Variants in CNTN5 observed in about 807,000 individuals in gnomAD.
CNTN5 encodes contactin-5.
In CNTN5, 77 loss-of-function variants were observed where a neutral mutation model predicts 129.1. That is an observed-to-expected ratio of 0.60 (90% CI 0.50 to 0.72). The LOEUF is 0.72. Among genes scored for constraint, CNTN5 ranks in the 30% least tolerant of loss-of-function variants. The probability of loss-of-function intolerance (pLI) is 0.00; values close to 1 mark genes in which losing one functional copy is unlikely to be tolerated. For missense variants in CNTN5, 1,478 were observed against 1,328.8 expected (o/e 1.11, Z -1.75); for synonymous variants, 509 against 465.6 (o/e 1.09, Z -1.20).
intron 3 of CNTN5, among the ~76,000 whole-genome samples, chr11:99,588,343 CAAAAAAAAAAAAAAA>C (rs149362368): frequency 2.1e-5 from 2 of 93,040 alleles, no homozygotes; most frequent in Non-Finnish European, 4.2e-5. Flanking sequence ...GACTCCTTCT[CAAAAAAAAAAAAAAA>C]AAAAAAAAAG....
chr11:99,813,298 G>A (rs1241242201), intron 3 of CNTN5, among the ~76,000 whole-genome samples: 2 of 152,088 alleles, frequency 1.3e-5, no homozygotes, highest in African/African-American at 4.8e-5. Context: ...TCTGAATTCT[G>A]AGCCTAAAAT....
intron 3 of CNTN5, among the ~76,000 whole-genome samples, chr11:99,597,738 CA>C (rs1430080374): frequency 6.6e-6 from 1 of 152,130 alleles, no homozygotes; most frequent in Non-Finnish European, 1.5e-5. Flanking sequence ...CCACACACTC[CA>C]TAACCTCAGG....
At chr11:99,173,661 G>A (rs1000937466) in intron 1 of CNTN5, among the ~76,000 whole-genome samples, 3 of 152,154 alleles carry the variant, frequency 2.0e-5, no homozygotes, top group African/African-American at 7.2e-5. Flanking sequence ...ACATAGAAAA[G>A]GTGAGAAGAA....
intron 13 of CNTN5, among the ~76,000 whole-genome samples, chr11:100,185,302 T>C (rs1948265541): frequency 6.6e-6 from 1 of 152,100 alleles, no homozygotes; most frequent in Admixed American, 6.6e-5. Context: ...AAGAATTCAT[T>C]TCTAGCTTTT....
At chr11:99,809,076 C>T (rs1293249004) in intron 3 of CNTN5, among the ~76,000 whole-genome samples, 1 of 152,174 alleles carries the variant, frequency 6.6e-6, no homozygotes, top group African/African-American at 2.4e-5. Flanking sequence ...TACAGACACA[C>T]ATCTGCCCAA....
At chr11:99,620,025 C>CAAAAAAAAAAAAAAAAAACCAAAA (rs779644229) in intron 3 of CNTN5, among the ~76,000 whole-genome samples, 5 of 67,894 alleles carry the variant, frequency 7.4e-5, no homozygotes, top group Admixed American at 2.1e-4. Flanking sequence ...GACTCCGTCT[C>CAAAAAAAAAAAAAAAAAACCAAAA]AAAAAAAAAA....
At chr11:99,408,448 G>GAGAAAGAAAGAA (rs1555137775) in intron 2 of CNTN5, among the ~76,000 whole-genome samples, 3,921 of 77,924 alleles carry the variant, frequency 0.05, 141 homozygotes, top group Non-Finnish European at 0.067. Context: ...AAGAAAGAAA[G>GAGAAAGAAAGAA]AGAAAGAAAG....
chr11:99,247,914 A>C (rs914561230), intron 1 of CNTN5, among the ~76,000 whole-genome samples: 2 of 152,170 alleles, frequency 1.3e-5, no homozygotes, highest in African/African-American at 4.8e-5. Context: ...TAGTGCCGCA[A>C]TAAACATATG....
At chr11:100,250,282 ATAAT>A (rs1410548623) in intron 16 of CNTN5, among the ~76,000 whole-genome samples, 1 of 152,124 alleles carries the variant, frequency 6.6e-6, no homozygotes, top group Admixed American at 6.6e-5. Context: ...TCCGTCTAAT[ATAAT>A]TATATTTTAA....
At chr11:99,763,075 C>T (rs1353676249) in intron 3 of CNTN5, among the ~76,000 whole-genome samples, 7 of 152,108 alleles carry the variant, frequency 4.6e-5, no homozygotes, top group Admixed American at 4.6e-4. Context: ...TTCCATCTCT[C>T]TGTATCAAAA....
At chr11:99,280,742 A>T (rs982059914) in intron 1 of CNTN5, among the ~76,000 whole-genome samples, 1 of 151,834 alleles carries the variant, frequency 6.6e-6, no homozygotes, top group Admixed American at 6.6e-5. Context: ...AACCAGTAAT[A>T]AGCCAGTTGC....
Position 99,889,876 on chromosome 11 carries a change from T to A in CNTN5, c.578-26178T>A, listed in dbSNP as rs944431950. 4.1e-4 allele frequency among the ~76,000 whole-genome samples: 62 copies of A among 152,108 alleles called. 1 individual carries two copies. The highest frequency in any genetic ancestry group is 1.5e-3 in the African/African-American group (61 of 41,428). ...CATTCTTATACTTCCAAAATACTAT[T>A]GAGGTGTTTTTGCTACAGAAAATAA... On this transcript the variant is annotated intron_variant, in intron 6 of 24. Transcript: ENST00000524871.
intron 2 of CNTN5, among the ~76,000 whole-genome samples, chr11:99,492,259 T>C (rs1053625383): frequency 1.3e-5 from 2 of 152,208 alleles, no homozygotes; most frequent in Non-Finnish European, 2.9e-5. Flanking sequence ...GTTGATGCTC[T>C]CTGGTGATCA....
At chr11:99,029,355 C>A (rs1382523184) in intron 1 of CNTN5, among the ~76,000 whole-genome samples, 2 of 151,812 alleles carry the variant, frequency 1.3e-5, no homozygotes, top group South Asian at 2.1e-4. Flanking sequence ...ATGTATACTT[C>A]TAATAAATCT....
Position 100,084,455 on chromosome 11 carries a change from C to T in CNTN5, c.1580+10161C>T, listed in dbSNP as rs181925056. Among the ~76,000 whole-genome samples the T allele has an allele frequency of 5.3e-5, 8 of 152,236 alleles. No individual in the cohort carries two copies. In the East Asian group the frequency reaches 1.4e-3, roughly 26 times the overall value. On this transcript the variant is annotated intron_variant, in intron 13 of 24. Coordinates refer to ENST00000524871, the MANE Select transcript of CNTN5 (RefSeq NM_014361.4). Reference sequence around the variant, plus strand: ...GCATCCTCTGAGAATTACATAGTCACTTCTTTTCAGATTTTGCATAAATCA... The same window carrying T: ...GCATCCTCTGAGAATTACATAGTCATTTCTTTTCAGATTTTGCATAAATCA...
intron 1 of CNTN5, among the ~76,000 whole-genome samples, chr11:99,232,779 C>T (rs1001466953): frequency 4.6e-5 from 7 of 152,248 alleles, no homozygotes; most frequent in African/African-American, 1.4e-4. Flanking sequence ...CTGAAATTAA[C>T]GTATACTTAT....
At chr11:100,317,159 C>T (rs1368884189) in intron 21 of CNTN5, among the ~76,000 whole-genome samples, 5 of 152,258 alleles carry the variant, frequency 3.3e-5, no homozygotes, top group African/African-American at 7.2e-5. Context: ...AGGGGAGAAG[C>T]GACAAGGCTG....
At chr11:99,261,318 A>G (rs1423510449) in intron 1 of CNTN5, among the ~76,000 whole-genome samples, 1 of 152,048 alleles carries the variant, frequency 6.6e-6, no homozygotes, top group Non-Finnish European at 1.5e-5. Context: ...CAATATCTTC[A>G]TAAGGGCAAC....
chr11:99,608,633 T>C (rs527906615), intron 3 of CNTN5, among the ~76,000 whole-genome samples: 2 of 152,228 alleles, frequency 1.3e-5, no homozygotes, highest in East Asian at 3.9e-4. Context: ...ACAAGCCAAG[T>C]AGAGAGACCC....
Sources: gnomAD v4.1 joint callset for allele counts (sites outside exome capture counted in the v4.1 genomes callset) on GRCh38, gnomAD v4.1.1 for gene constraint, MANE v1.5 for transcripts, NCBI Gene and HGNC (gene_info 2026-07-23, HGNC 2026-07-21) for gene names.